PRDM15: variants seen among roughly 807,000 people sequenced by gnomAD.
The protein encoded by PRDM15 is PR/SET domain 15, also known as PR domain zinc finger protein 15.
A neutral mutation model predicts 128.6 loss-of-function variants in PRDM15; 64 were observed. The observed-to-expected ratio is 0.50, with a 90% CI of 0.41 to 0.61. The LOEUF is 0.61. Ranked by LOEUF, PRDM15 falls within the 20% of genes least tolerant of loss-of-function variation. The pLI is 0.00. For missense variants in PRDM15, 1,242 were observed against 1,569.1 expected (o/e 0.79, Z 3.52); for synonymous variants, 615 against 621.8 (o/e 0.99, Z 0.16).
At chr21:41,868,634 T>C (rs1335362972) in intron 1 of PRDM15, among the ~76,000 whole-genome samples, 3 of 152,094 alleles carry the variant, frequency 2.0e-5, no homozygotes, top group African/African-American at 7.2e-5. Context: ...GTATTAATAT[T>C]AATAAATCCT....
At chr21:41,819,796 A>C (rs1303065669) in intron 17 of PRDM15, 95 bp from the exon 18 acceptor site, 1 of 1,467,104 alleles carries the variant, frequency 6.8e-7, no homozygotes, top group East Asian at 2.5e-5. Context: ...CAGCCTCCCC[A>C]GCAGCTAGAA....
At chr21:41,873,991 A>C (rs1314282786) in intron 1 of PRDM15, among the ~76,000 whole-genome samples, 1 of 150,556 alleles carries the variant, frequency 6.6e-6, no homozygotes, top group East Asian at 2.0e-4. Context: ...GGCTGCAGTG[A>C]GCCGAGGTTG....
At chr21:41,849,303 C>T (rs7281772) in intron 5 of PRDM15, among the ~76,000 whole-genome samples, 95,706 of 152,036 alleles carry the variant, frequency 0.63, 30,446 homozygotes, top group Admixed American at 0.71. Context: ...AACACTGGCT[C>T]ATGCCTGTAA....
At chr21:41,852,081 G>C (rs2063446285) in intron 5 of PRDM15, among the ~76,000 whole-genome samples, 1 of 152,192 alleles carries the variant, frequency 6.6e-6, no homozygotes, top group African/African-American at 2.4e-5. Flanking sequence ...CACAGTCCCA[G>C]GCTGACTTCA....
chr21:41,831,700 C>T (rs1264861083), intron 11 of PRDM15, among the ~76,000 whole-genome samples: 1 of 152,188 alleles, frequency 6.6e-6, no homozygotes, highest in Non-Finnish European at 1.5e-5. Context: ...TGGGTGCCAC[C>T]CTCAGGACAG....
intron 8 of PRDM15, among the ~76,000 whole-genome samples, chr21:41,837,261 T>C (rs1271204439): frequency 6.6e-6 from 1 of 152,110 alleles, no homozygotes; most frequent in East Asian, 1.9e-4. Context: ...GAAATTCAAA[T>C]AGCAAAGTAT....
chr21:41,833,259 A>G (rs950567394), intron 11 of PRDM15, among the ~76,000 whole-genome samples: 44 of 152,158 alleles, frequency 2.9e-4, no homozygotes, highest in Non-Finnish European at 1.0e-4. Flanking sequence ...GACAGGCACC[A>G]CAACAGGTCC....
intron 11 of PRDM15, among the ~76,000 whole-genome samples, chr21:41,829,379 CA>C (rs2062602689): frequency 6.6e-6 from 1 of 151,750 alleles, no homozygotes; most frequent in African/African-American, 2.4e-5. Flanking sequence ...ACCACAAATA[CA>C]CACATATTCA....
chr21:41,847,651 A>T (rs553634345), intron 5 of PRDM15, among the ~76,000 whole-genome samples: 1 of 152,198 alleles, frequency 6.6e-6, no homozygotes, highest in African/African-American at 2.4e-5. Context: ...GCTCCCGCCC[A>T]GCGCTATCCG....
chr21:41,819,316 A>G (rs28604512), intron 18 of PRDM15, among the ~76,000 whole-genome samples: 91,575 of 149,162 alleles, frequency 0.61, 27,971 homozygotes, highest in Non-Finnish European at 0.63. Flanking sequence ...CGTGGCCCCC[A>G]GCACCCACAC....
intron 6 of PRDM15, among the ~76,000 whole-genome samples, chr21:41,845,920 C>T (rs892059380): frequency 2.0e-5 from 3 of 152,080 alleles, no homozygotes; most frequent in Admixed American, 6.5e-5. Context: ...CCATGAGGTC[C>T]GGGGCGTGCT....
At chr21:41,841,276 C>T (rs2063066167) in intron 6 of PRDM15, among the ~76,000 whole-genome samples, 1 of 152,158 alleles carries the variant, frequency 6.6e-6, no homozygotes, top group African/African-American at 2.4e-5. Context: ...AAGTACAAAG[C>T]AGTGATTACC....
chr21:41,861,470 A>G, intron 1 of PRDM15: 2 of 1,101,468 alleles, frequency 1.8e-6, no homozygotes, highest in Non-Finnish European at 1.3e-6. Flanking sequence ...CACCTCATGC[A>G]GTTTGGGAGG....
At chr21:41,804,689 C>A in intron 21 of PRDM15, 75 bp from the exon 22 acceptor site, 3 of 1,155,152 alleles carry the variant, frequency 2.6e-6, no homozygotes, top group Non-Finnish European at 3.6e-6. Context: ...GCCACACACG[C>A]CTTGGGACCA....
At chr21:41,803,010 C>G in intron 22 of PRDM15, 89 bp from the exon 23 acceptor site, 1 of 999,528 alleles carries the variant, frequency 1.0e-6, no homozygotes, top group South Asian at 1.3e-5. Context: ...CCTGGACACA[C>G]TCTCCAATCA....
At chr21:41,855,926 CCCTCCCTTCCTTCCTTTCCTT>C (rs1568993967) in intron 4 of PRDM15, among the ~76,000 whole-genome samples, 597 of 11,256 alleles carry the variant, frequency 0.053, 98 homozygotes, top group East Asian at 0.15. Context: ...CTCCCTCCCT[CCCTCCCTTCCTTCCTTTCCTT>C]CCCTCCCTCC....
chr21:41,802,368 C>T (rs1205445090), intron 23 of PRDM15, among the ~76,000 whole-genome samples: 1 of 152,194 alleles, frequency 6.6e-6, no homozygotes, highest in Non-Finnish European at 1.5e-5. Flanking sequence ...TCAGCAAATG[C>T]ACAGGGCTGA....
intron 3 of PRDM15, among the ~76,000 whole-genome samples, chr21:41,858,100 C>A (rs1269032203): frequency 2.6e-5 from 4 of 152,222 alleles, no homozygotes; most frequent in African/African-American, 9.6e-5. Context: ...ATGAAGAGCA[C>A]CCCGAGAAAG....
In PRDM15 at chr21:41,879,181, C is replaced by A; in HGVS notation, c.-10+89G>T. ...GGCGGGGGGCAGCGGGCCCAGGGCG[C>A]GCCGGGGCTCGCGGGGGCAGCGGGT... On this transcript the variant is annotated intron_variant, in intron 1 of 23. Transcript: ENST00000398548. This position sits in a 1 kb window ranked among gnomAD's most constrained non-coding sequence, Gnocchi z 5.1. 1.2e-6 allele frequency: 1 copy of A among 817,518 alleles called. No homozygotes were observed. The highest frequency in any genetic ancestry group is 1.5e-6 in the Non-Finnish European group (1 of 682,702). The allele number at this position is 817,518 out of a possible 1,614,324, so 50.6% of individuals were successfully genotyped here. A position where few individuals can be genotyped will look rare whatever the true frequency, so the allele number is the denominator to read the frequency against.
Sources: allele counts gnomAD v4.1 joint callset (sites outside exome capture counted in the v4.1 genomes callset), GRCh38; gene constraint gnomAD v4.1.1; non-coding constraint Gnocchi (gnomAD v3.1); transcripts MANE v1.5; gene names NCBI Gene and HGNC (gene_info 2026-07-23, HGNC 2026-07-21).